The following TMTC2 variants were observed in gnomAD, a reference collection of about 807,000 sequenced individuals.
TMTC2 encodes transmembrane O-mannosyltransferase targeting cadherins 2.
In TMTC2, 43 loss-of-function variants were observed where a neutral mutation model predicts 82.4. That is an observed-to-expected ratio of 0.52 (90% CI 0.41 to 0.67). The LOEUF (loss-of-function observed/expected upper bound fraction) is 0.67. Ranked by LOEUF, TMTC2 falls within the 30% of genes least tolerant of loss-of-function variation. The pLI is 0.00. For missense variants in TMTC2, 919 were observed against 1,012.4 expected (o/e 0.91, Z 1.25); for synonymous variants, 408 against 381.9 (o/e 1.07, Z -0.80).
At chr12:82,966,311 C>T (rs1285509856) in intron 6 of TMTC2, among the ~76,000 whole-genome samples, 3 of 151,958 alleles carry the variant, frequency 2.0e-5, no homozygotes, top group Non-Finnish European at 4.4e-5. Context: ...TAGGAGGTGA[C>T]CCAGACTAGT....
chr12:82,994,396 G>T (rs1238058331), intron 8 of TMTC2, among the ~76,000 whole-genome samples: 1 of 152,074 alleles, frequency 6.6e-6, no homozygotes, highest in African/African-American at 2.4e-5. Flanking sequence ...CTCCCAAAAT[G>T]CTGGGATTAC....
intron 1 of TMTC2, among the ~76,000 whole-genome samples, chr12:82,739,377 G>A (rs1313168679): frequency 1.3e-5 from 2 of 152,080 alleles, no homozygotes; most frequent in African/African-American, 4.8e-5. Flanking sequence ...TCTGGGTGGA[G>A]AAGAGATATG....
At chr12:82,829,424 T>C (rs1372412248) in intron 1 of TMTC2, among the ~76,000 whole-genome samples, 1 of 152,208 alleles carries the variant, frequency 6.6e-6, no homozygotes, top group Non-Finnish European at 1.5e-5. Context: ...GTTAAGGTTT[T>C]GTTTGAATTT....
At chr12:82,876,115 GTGGTGGTATTAGTAA>G (rs1872541188) in intron 2 of TMTC2, among the ~76,000 whole-genome samples, 1 of 146,718 alleles carries the variant, frequency 6.8e-6, no homozygotes, top group African/African-American at 2.6e-5. Flanking sequence ...GGTGGTGGTG[GTGGTGGTATTAGTAA>G]TGGTGGTGGT....
At chr12:82,791,651 G>T (rs766221458) in intron 1 of TMTC2, among the ~76,000 whole-genome samples, 7 of 152,020 alleles carry the variant, frequency 4.6e-5, no homozygotes, top group Non-Finnish European at 7.4e-5. Flanking sequence ...TATTCTATAG[G>T]CCAGAAGTTC....
intron 3 of TMTC2, among the ~76,000 whole-genome samples, chr12:82,928,282 C>T (rs1301338291): frequency 1.3e-5 from 2 of 151,974 alleles, no homozygotes; most frequent in Admixed American, 6.6e-5. Context: ...TAAATATATT[C>T]TCATTTAGTA....
intron 11 of TMTC2, among the ~76,000 whole-genome samples, chr12:83,105,861 G>C (rs561100026): frequency 2.0e-5 from 3 of 151,996 alleles, no homozygotes; most frequent in Non-Finnish European, 4.4e-5. Flanking sequence ...AAGAAAACAC[G>C]GACATCACAA....
intron 2 of TMTC2, among the ~76,000 whole-genome samples, chr12:82,875,374 G>GCATA (rs1032944879): frequency 9.3e-5 from 14 of 150,746 alleles, no homozygotes; most frequent in African/African-American, 3.4e-4. Flanking sequence ...ATATATGTGT[G>GCATA]TATATATATA....
At chr12:82,877,392 C>G (rs1320398296) in intron 2 of TMTC2, among the ~76,000 whole-genome samples, 1 of 152,104 alleles carries the variant, frequency 6.6e-6, no homozygotes, top group African/African-American at 2.4e-5. Flanking sequence ...ATCAGTAACC[C>G]CTTTGTTTAC....
intron 1 of TMTC2, among the ~76,000 whole-genome samples, chr12:82,727,598 G>A (rs938532510): frequency 1.3e-5 from 2 of 151,948 alleles, no homozygotes; most frequent in East Asian, 3.9e-4. Flanking sequence ...GCGTGGGCCT[G>A]TAATCCCAGC....
Position 82,707,143 on chromosome 12 carries a change from G to A in TMTC2, c.83+19474G>A, listed in dbSNP as rs533886926. Among the ~76,000 whole-genome samples, 2 of 152,330 alleles carry A rather than the reference G, an allele frequency of 1.3e-5. 1 individual carries two copies. Among genetic ancestry groups the A allele is most frequent in the East Asian group, 3.9e-4 (2 of 5,186 alleles). The stretch of plus-strand genomic sequence containing the variant: ...GAATTGATTTCTCACAGTTTTGAAA[G>A]CTGGGAGGTCCAAGATCAAGGTGCT... On this transcript the variant is annotated intron_variant, in intron 1 of 11. Coordinates refer to ENST00000321196, the MANE Select transcript of TMTC2 (RefSeq NM_152588.3).
At chr12:83,107,507 C>T (rs1419513306) in intron 11 of TMTC2, among the ~76,000 whole-genome samples, 1 of 152,122 alleles carries the variant, frequency 6.6e-6, no homozygotes, top group East Asian at 1.9e-4. Flanking sequence ...CATGGGAGCC[C>T]CACCTTGATT....
At chr12:82,743,520 T>G (rs1013344970) in intron 1 of TMTC2, among the ~76,000 whole-genome samples, 2 of 151,966 alleles carry the variant, frequency 1.3e-5, no homozygotes, top group African/African-American at 2.4e-5. Flanking sequence ...AAGTACTCAA[T>G]AAATAATTTA....
intron 9 of TMTC2, among the ~76,000 whole-genome samples, chr12:83,035,786 GTC>G: frequency 6.6e-6 from 1 of 152,234 alleles, no homozygotes; most frequent in South Asian, 2.1e-4. Flanking sequence ...AAGACGAGAA[GTC>G]TCTTTAAAAA....
At chr12:82,748,440 T>G (rs1875803321) in intron 1 of TMTC2, among the ~76,000 whole-genome samples, 1 of 152,226 alleles carries the variant, frequency 6.6e-6, no homozygotes, top group African/African-American at 2.4e-5. Context: ...GCTTGGCAAC[T>G]TACTAATGGT....
At chr12:82,844,528 G>T (rs566851100) in intron 1 of TMTC2, among the ~76,000 whole-genome samples, 3 of 152,240 alleles carry the variant, frequency 2.0e-5, no homozygotes, top group African/African-American at 4.8e-5. Flanking sequence ...CCAGCCGGGC[G>T]CAGTGGCTCA....
chr12:82,705,350 A>C (rs1873301611), intron 1 of TMTC2, among the ~76,000 whole-genome samples: 2 of 152,236 alleles, frequency 1.3e-5, no homozygotes, highest in Admixed American at 1.3e-4. Context: ...AAATTCAAAA[A>C]AAGAAAATTG....
intron 1 of TMTC2, among the ~76,000 whole-genome samples, chr12:82,838,818 G>A (rs1382819213): frequency 1.3e-5 from 2 of 150,468 alleles, no homozygotes; most frequent in African/African-American, 4.9e-5. Flanking sequence ...TAGGACGATG[G>A]CTTTATGGTG....
chr12:82,853,874 G>A (rs1167090989), intron 1 of TMTC2, among the ~76,000 whole-genome samples: 4 of 151,082 alleles, frequency 2.6e-5, no homozygotes, highest in African/African-American at 7.3e-5. Flanking sequence ...TGAAGCCTGG[G>A]TTTCATTCTC....
Sources: gnomAD v4.1 joint callset for allele counts (sites outside exome capture counted in the v4.1 genomes callset) on GRCh38, gnomAD v4.1.1 for gene constraint, MANE v1.5 for transcripts, NCBI Gene and HGNC (gene_info 2026-07-23, HGNC 2026-07-21) for gene names.